Variants in PLCG2 observed in about 807,000 individuals in gnomAD.
PLCG2 encodes the protein 1-phosphatidylinositol 4,5-bisphosphate phosphodiesterase gamma-2.
PLCG2 carries 69 observed loss-of-function variants against 175.6 expected under a neutral mutation model. That is an observed-to-expected ratio of 0.39 (90% CI 0.32 to 0.48). The LOEUF is 0.48. Ranked by LOEUF, PLCG2 falls within the 20% of genes least tolerant of loss-of-function variation. The pLI is 0.91. For missense variants in PLCG2, 1,798 were observed against 1,650.9 expected, an observed-to-expected ratio of 1.09 and a Z score of -1.54; for synonymous variants, 827 against 624.0, an observed-to-expected ratio of 1.33 and a Z score of -4.85.
At chr16:81,811,844 CTT>C (rs1904333354) in intron 2 of PLCG2, among the ~76,000 whole-genome samples, 1 of 152,048 alleles carries the variant, frequency 6.6e-6, no homozygotes, top group African/African-American at 2.4e-5. Context: ...GTGCATGTGT[CTT>C]TATAGTAGAA....
chr16:81,821,557 G>T (rs1247454290), intron 2 of PLCG2, among the ~76,000 whole-genome samples: 1 of 152,150 alleles, frequency 6.6e-6, no homozygotes, highest in South Asian at 2.1e-4. Context: ...GGGTCCTGGG[G>T]GCTCCTGGCT....
chr16:81,841,635 C>G (rs772697086), intron 2 of PLCG2, among the ~76,000 whole-genome samples: 18 of 152,188 alleles, frequency 1.2e-4, no homozygotes, highest in Non-Finnish European at 2.1e-4. Context: ...AGACAGTAAG[C>G]CAGAATAGAG....
intron 2 of PLCG2, among the ~76,000 whole-genome samples, chr16:81,844,943 T>C (rs1481716784): frequency 3.3e-5 from 5 of 152,182 alleles, no homozygotes; most frequent in African/African-American, 1.2e-4. Context: ...TCTTTCTTTT[T>C]TTCTGAGACA....
chr16:81,777,041 C>G (rs931965969), upstream of PLCG2, among the ~76,000 whole-genome samples: 2 of 152,170 alleles, frequency 1.3e-5, no homozygotes, highest in Non-Finnish European at 2.9e-5. Flanking sequence ...AAAAAGCAAA[C>G]TGCCATTTAC....
chr16:81,794,477 C>T (rs901607512), intron 2 of PLCG2, among the ~76,000 whole-genome samples: 1 of 152,070 alleles, frequency 6.6e-6, no homozygotes, highest in Admixed American at 6.5e-5. Flanking sequence ...CTGAAGTGTC[C>T]ATAAATGTAT....
intron 17 of PLCG2, among the ~76,000 whole-genome samples, chr16:81,909,962 G>A: frequency 7.2e-6 from 1 of 138,082 alleles, no homozygotes; most frequent in Non-Finnish European, 1.6e-5. Flanking sequence ...TTGAATCCAG[G>A]CATCCTGGCT....
At chr16:81,943,093 T>C (rs1039028142) in intron 30 of PLCG2, among the ~76,000 whole-genome samples, 28 of 152,132 alleles carry the variant, frequency 1.8e-4, no homozygotes, top group Non-Finnish European at 3.4e-4. Context: ...ACCATGCTAT[T>C]GGAGTGTAGG....
rs569244176 is a variant in PLCG2, at chr16:81,844,045, C to G, written c.194-10399C>G. Among the ~76,000 whole-genome samples the G allele has an allele frequency of 3.0e-3, 411 of 138,344 alleles. 2 individuals are homozygous for G. The highest frequency in any genetic ancestry group is 0.014 in the South Asian group (59 of 4,210). 90.8% of individuals were successfully genotyped at this position (138,344 alleles called of 152,430 possible). On this transcript the variant is annotated intron_variant, in intron 2 of 32. Coordinates refer to ENST00000564138, the MANE Select transcript of PLCG2 (RefSeq NM_002661.5). ...AGGCTGGAGTGCAGTGGTGTGACGTCGGCTCACTACAAGCTCTGCCTCCCG... is the reference window on the plus strand; with the variant it reads ...AGGCTGGAGTGCAGTGGTGTGACGTGGGCTCACTACAAGCTCTGCCTCCCG...
Position 81,912,620 on chromosome 16 carries a change from G to A in PLCG2, c.1958G>A (p.Arg653His), listed in dbSNP as rs1325870340. Residue 653 changes from arginine to histidine, a missense_variant, in exon 19 of 33, where the codon CGC (arginine) becomes CAC (histidine). Physicochemically the swap from Arg to His is conservative, Grantham distance 29. Transcript: ENST00000564138. ...SKPWYYDSLS[R>H]GEAEDMLMRI... Reference sequence around the variant, plus strand: ...AGGTGGTACTATGACAGCCTGAGCCGCGGAGAGGCAGAGGACATGCTGATG... The same window carrying A: ...AGGTGGTACTATGACAGCCTGAGCCACGGAGAGGCAGAGGACATGCTGATG... The A allele has an allele frequency of 1.9e-6, 3 of 1,613,180 alleles. No homozygotes were observed. The highest frequency in any genetic ancestry group is 8.5e-7 in the Non-Finnish European group (1 of 1,179,844).
At chr16:81,774,335 A>AAAAAC (rs1000040068), upstream of PLCG2, among the ~76,000 whole-genome samples, 11 of 151,850 alleles carry the variant, frequency 7.2e-5, no homozygotes, top group Admixed American at 5.2e-4. Context: ...GGGCAGTAAA[A>AAAAAC]AAAACAAAAC....
chr16:81,880,891 T>C lies in PLCG2; in HGVS notation c.649-19T>C, dbSNP rs1290974110. On this transcript the variant is annotated intron_variant, in intron 7 of 32. Coordinates refer to ENST00000564138, the MANE Select transcript of PLCG2 (RefSeq NM_002661.5). Reference sequence around the variant, plus strand: ...GACTTGTCTAAGGTTCTTTTTTTTGTGTGTGCTTTCCATTTCAGATTCTCG... The same window carrying C: ...GACTTGTCTAAGGTTCTTTTTTTTGCGTGTGCTTTCCATTTCAGATTCTCG... 1.1e-5 allele frequency: 17 copies of C among 1,613,352 alleles called. No individual in the cohort carries two copies. Among genetic ancestry groups the C allele is most frequent in the Non-Finnish European group, 1.4e-5 (17 of 1,179,488 alleles).
At chr16:81,952,057 G>A (rs1363953294) in intron 31 of PLCG2, among the ~76,000 whole-genome samples, 3 of 151,882 alleles carry the variant, frequency 2.0e-5, no homozygotes, top group Non-Finnish European at 4.4e-5. Context: ...GGACAAATGG[G>A]ACATCCCATT....
At chr16:81,921,106 G>A in intron 20 of PLCG2, 92 bp from the exon 21 acceptor site, 1 of 743,052 alleles carries the variant, frequency 1.3e-6, no homozygotes, top group South Asian at 1.7e-5. Context: ...CAAAGGATAG[G>A]TAACCATAAG....
At chr16:81,889,107 C>A in intron 9 of PLCG2, 65 bp from the exon 10 acceptor site, 2 of 989,098 alleles carry the variant, frequency 2.0e-6, no homozygotes, top group Non-Finnish European at 3.1e-6. Flanking sequence ...TGGATGGACC[C>A]TGGGAAATGA....
chr16:81,829,172 G>A (rs1042702091), intron 2 of PLCG2, among the ~76,000 whole-genome samples: 2 of 152,088 alleles, frequency 1.3e-5, no homozygotes, highest in Non-Finnish European at 2.9e-5. Flanking sequence ...GCAGTGGCAC[G>A]ATCTCGGCTC....
At chr16:81,943,206 C>A (rs1156883243) in intron 30 of PLCG2, among the ~76,000 whole-genome samples, 3 of 152,176 alleles carry the variant, frequency 2.0e-5, no homozygotes, top group Non-Finnish European at 4.4e-5. Flanking sequence ...TCTCACACTG[C>A]TATAAAGACA....
At chr16:81,744,111 G>T (rs905123149) in intron 1 of PLCG2, among the ~76,000 whole-genome samples, 6 of 150,892 alleles carry the variant, frequency 4.0e-5, no homozygotes, top group Non-Finnish European at 8.8e-5. Flanking sequence ...ACCCGCCTCG[G>T]CCTCCCAAAG....
intron 2 of PLCG2, among the ~76,000 whole-genome samples, chr16:81,848,156 G>T (rs1298947921): frequency 6.6e-6 from 1 of 152,242 alleles, no homozygotes; most frequent in Non-Finnish European, 1.5e-5. Context: ...ACAGGATCAA[G>T]AGCGCAGAAA....
At chr16:81,955,349 G>A (rs1911526104) in intron 31 of PLCG2, among the ~76,000 whole-genome samples, 2 of 152,168 alleles carry the variant, frequency 1.3e-5, no homozygotes, top group Non-Finnish European at 1.5e-5. Context: ...TGTAGCACAG[G>A]AGTCTTTCAC....
Sources: gnomAD v4.1 joint callset for allele counts (sites outside exome capture counted in the v4.1 genomes callset) on GRCh38, gnomAD v4.1.1 for gene constraint, MANE v1.5 for transcripts, NCBI Gene and HGNC (gene_info 2026-07-23, HGNC 2026-07-21) for gene names.